The following DISC1 variants were observed in gnomAD, a reference collection of about 807,000 sequenced individuals.
The protein encoded by DISC1 is disrupted in schizophrenia 1 protein.
Under a neutral mutation model 84.5 loss-of-function variants are expected in DISC1, and 57 were observed. The observed-to-expected ratio is 0.67, with a 90% CI of 0.55 to 0.84. DISC1 has a LOEUF of 0.84. DISC1 is among the 40% of genes least tolerant of loss of function. The probability of loss-of-function intolerance (pLI) is 0.00; values close to 1 mark genes in which losing one functional copy is unlikely to be tolerated. For synonymous variants in DISC1, 411 were observed against 415.2 expected (o/e 0.99, Z 0.12); for missense variants, 1,000 against 1,057.8 (o/e 0.95, Z 0.76).
intron 10 of DISC1, among the ~76,000 whole-genome samples, chr1:231,970,341 T>C (rs1272170028): frequency 1.3e-5 from 2 of 152,248 alleles, no homozygotes; most frequent in East Asian, 3.9e-4. Flanking sequence ...TGCATTTCTC[T>C]GATGGCCACT....
chr1:232,008,994 A>G lies in DISC1; in HGVS notation c.2252A>G (p.Glu751Gly). The change falls in exon 11 of 13, where the codon GAA becomes GGA. Residue 751 changes from glutamate to glycine, a missense_variant. Coordinates refer to ENST00000439617, the MANE Select transcript of DISC1 (RefSeq NM_018662.3). ...KRKTPLKVLE[E>G]WKTHLIPSLH... ...AAGACCCCTTTGAAGGTATTGGAAG[A>G]ATGGAAGACTCACCTCATCCCCTCT... 6.2e-7 allele frequency: 1 copy of G among 1,613,902 alleles called. No homozygotes were observed. The highest frequency in any genetic ancestry group is 8.5e-7 in the Non-Finnish European group (1 of 1,179,844).
At chr1:231,951,088 C>A (rs139907489) in intron 9 of DISC1, among the ~76,000 whole-genome samples, 1 of 152,230 alleles carries the variant, frequency 6.6e-6, no homozygotes, top group Non-Finnish European at 1.5e-5. Flanking sequence ...AACTGAGTCA[C>A]AGGATGATGT....
At chr1:231,737,537 G>GT (rs892153582) in intron 3 of DISC1, among the ~76,000 whole-genome samples, 6 of 152,102 alleles carry the variant, frequency 3.9e-5, no homozygotes, top group East Asian at 1.9e-4. Context: ...GGTGAGTTAT[G>GT]TTTTTTTTGA....
At chr1:231,722,808 C>G (rs2070007468) in intron 3 of DISC1, 1 of 1,447,444 alleles carries the variant, frequency 6.9e-7, no homozygotes, top group South Asian at 1.5e-5. Context: ...TTGAAAAAAA[C>G]CAGGTGGGCA....
At chr1:231,642,002 C>T (rs964364761) in intron 1 of DISC1, among the ~76,000 whole-genome samples, 10 of 152,196 alleles carry the variant, frequency 6.6e-5, no homozygotes, top group East Asian at 1.9e-4. Flanking sequence ...GAGCAGGGGG[C>T]GGCGCTTGTC....
At position 232,009,591 on chromosome 1, in the gene DISC1, A is replaced by C; in HGVS notation, c.2307+542A>C. 1 of 922,028 alleles carries C rather than the reference A, an allele frequency of 1.1e-6. No homozygotes were observed. The highest frequency in any genetic ancestry group is 1.3e-6 in the Non-Finnish European group (1 of 772,330). The allele number at this position is 922,028 out of a possible 1,614,324, so 57.1% of individuals were successfully genotyped here. A position where few individuals can be genotyped will look rare whatever the true frequency, so the allele number is the denominator to read the frequency against. On this transcript the variant is annotated intron_variant, in intron 11 of 12. Coordinates refer to ENST00000439617, the MANE Select transcript of DISC1 (RefSeq NM_018662.3). The surrounding 1 kb of genome is among the most constrained non-coding windows in gnomAD (Gnocchi z 4.6). ...TGAATGTTTATAATGTTCTTCTTTC[A>C]TAAACACAACTAAAGTTTGGCCTGA...
At chr1:232,013,209 TC>T (rs747228006) in intron 11 of DISC1, among the ~76,000 whole-genome samples, 2 of 152,128 alleles carry the variant, frequency 1.3e-5, no homozygotes, top group Non-Finnish European at 2.9e-5. Context: ...CATAATGGGC[TC>T]CCTGGACAGT....
At position 231,675,390 on chromosome 1, in the gene DISC1, A is replaced by T. The variant is rs1471020821; in HGVS notation, c.68-18436A>T. Among the ~76,000 whole-genome samples, 1 of 152,146 alleles carries T rather than the reference A, an allele frequency of 6.6e-6. No individual in the cohort carries two copies. The highest frequency in any genetic ancestry group is 1.5e-5 in the Non-Finnish European group (1 of 68,036). On this transcript the variant is annotated intron_variant, in intron 1 of 12. Coordinates refer to ENST00000439617, the MANE Select transcript of DISC1 (RefSeq NM_018662.3). This position sits in a 1 kb window ranked among gnomAD's most constrained non-coding sequence, Gnocchi z 4.1. ...AGCTCTGTTGCCTTTGTGGTGGTTAACACTCAACCTCAGAGACAAAGATCT... is the reference window on the plus strand; with the variant it reads ...AGCTCTGTTGCCTTTGTGGTGGTTATCACTCAACCTCAGAGACAAAGATCT...
At chr1:231,680,085 G>A (rs1322088781) in intron 1 of DISC1, among the ~76,000 whole-genome samples, 7 of 152,018 alleles carry the variant, frequency 4.6e-5, no homozygotes, top group Admixed American at 4.6e-4. Context: ...GAAGTTAGCC[G>A]GGCATGGTGG....
At chr1:231,736,566 CAT>C (rs1271930348) in intron 3 of DISC1, among the ~76,000 whole-genome samples, 1 of 152,218 alleles carries the variant, frequency 6.6e-6, no homozygotes, top group Non-Finnish European at 1.5e-5. Flanking sequence ...GGCTGATTTT[CAT>C]GAAAATAAAC....
chr1:231,980,225 G>A (rs1340023136), intron 10 of DISC1, among the ~76,000 whole-genome samples: 1 of 152,046 alleles, frequency 6.6e-6, no homozygotes, highest in African/African-American at 2.4e-5. Context: ...AAAAGGTGTG[G>A]GACTAAACAC....
At chr1:231,884,063 T>C (rs2086487119) in intron 9 of DISC1, among the ~76,000 whole-genome samples, 1 of 152,050 alleles carries the variant, frequency 6.6e-6, no homozygotes, top group South Asian at 2.1e-4. Context: ...TTTTGAGAGA[T>C]AAGAATCATC....
chr1:231,861,452 G>GT (rs59522401), intron 9 of DISC1, among the ~76,000 whole-genome samples: 1,459 of 88,862 alleles, frequency 0.016, 15 homozygotes, highest in African/African-American at 0.048. Context: ...ATTTTGACAA[G>GT]TTTTTTTTTT....
At chr1:231,917,869 A>G (rs2089746081) in intron 9 of DISC1, among the ~76,000 whole-genome samples, 1 of 152,258 alleles carries the variant, frequency 6.6e-6, no homozygotes, top group Admixed American at 6.5e-5. Flanking sequence ...TGTACATGTT[A>G]TCACACTTTA....
chr1:231,959,136 T>C, intron 10 of DISC1: 3 of 1,179,126 alleles, frequency 2.5e-6, no homozygotes, highest in Non-Finnish European at 3.1e-6. Flanking sequence ...AGTTTTCATG[T>C]TCCATAAGAG....
chr1:231,886,807 CTTTCTT>C (rs1352313291), intron 9 of DISC1, among the ~76,000 whole-genome samples: 3 of 140,264 alleles, frequency 2.1e-5, no homozygotes, highest in South Asian at 4.7e-4. Flanking sequence ...TTCTTTCTTT[CTTTCTT>C]TCTTTCTTTC....
chr1:231,954,512 T>C lies in DISC1; in HGVS notation c.1982-4316T>C, dbSNP rs901898611. 6.6e-6 allele frequency among the ~76,000 whole-genome samples: 1 copy of C among 152,166 alleles called. No homozygotes were observed. The highest frequency in any genetic ancestry group is 6.5e-5 in the Admixed American group (1 of 15,276). On this transcript the variant is annotated intron_variant, in intron 9 of 12. Transcript: ENST00000439617. This position sits in a 1 kb window ranked among gnomAD's most constrained non-coding sequence, Gnocchi z 4.8. ...TTAATAAACAGAAACAGTGAATGTG[T>C]TCCTGCTTCTTCCTGATCAGGAAGG...
intron 3 of DISC1, among the ~76,000 whole-genome samples, chr1:231,717,176 T>C (rs924403843): frequency 4.6e-5 from 7 of 152,216 alleles, no homozygotes; most frequent in African/African-American, 1.7e-4. Context: ...GGGAGATGAA[T>C]TGTGGCCCAT....
At chr1:231,886,771 CTTTCTTTCTTTCTT>C in intron 9 of DISC1, among the ~76,000 whole-genome samples, 1 of 73,534 alleles carries the variant, frequency 1.4e-5, no homozygotes, top group Middle Eastern at 6.3e-3. Context: ...TCCTTCCTTT[CTTTCTTTCTTTCTT>C]TCTTTCTTTC....
Sources: gnomAD v4.1 joint callset for allele counts (sites outside exome capture counted in the v4.1 genomes callset) on GRCh38, gnomAD v4.1.1 for gene constraint, Gnocchi (gnomAD v3.1) non-coding constraint, MANE v1.5 for transcripts, NCBI Gene and HGNC (gene_info 2026-07-23, HGNC 2026-07-21) for gene names.